Variants in RADIL observed in about 807,000 individuals in gnomAD.
The protein encoded by RADIL is Rap associating with DIL domain, also known as ras-associating and dilute domain-containing protein.
Under a neutral mutation model 97.6 loss-of-function variants are expected in RADIL, and 99 were observed. The ratio of observed to expected loss-of-function variants is 1.01; its 90% CI spans 0.86 to 1.20. The LOEUF (loss-of-function observed/expected upper bound fraction) is 1.20, where lower values mean the gene tolerates loss of function less well. Among genes scored for constraint, RADIL ranks in the 50% most tolerant of loss-of-function variants. The pLI is 0.00. For missense variants in RADIL, 1,765 were observed against 1,498.9 expected (o/e 1.18, Z -2.93); for synonymous variants, 803 against 691.8 (o/e 1.16, Z -2.52).
chr7:4,815,401 G>A lies in RADIL; in HGVS notation c.2016C>T (p.Ala672=), dbSNP rs1411729550. Reference sequence around the variant, plus strand: ...TCCACTCCAGGAGCTGCTGCAGGCGGGCGCAGGCCTGGACACCTCTGGGCC... The same window carrying A: ...TCCACTCCAGGAGCTGCTGCAGGCGAGCGCAGGCCTGGACACCTCTGGGCC... ...FHWPRGVQAC[A]RLQQLLEWMR... The change falls in exon 9 of 15, where the codon GCC becomes GCT. Residue 672 remains alanine, a synonymous_variant. Coordinates refer to ENST00000399583, the MANE Select transcript of RADIL (RefSeq NM_018059.5). The surrounding 1 kb of genome is among the most constrained non-coding windows in gnomAD (Gnocchi z 8.0). 15 of 1,563,764 alleles carry A rather than the reference G, an allele frequency of 9.6e-6. No homozygotes were observed. The highest frequency in any genetic ancestry group is 1.8e-4 in the Middle Eastern group (1 of 5,698).
In RADIL at chr7:4,867,742, A is replaced by G. The variant is rs960655407; in HGVS notation, c.535+9863T>C. ...AACATATACAAAATATTATTTATGT[A>G]TTAAGGATACATATGAATCCAAATA... On this transcript the variant is annotated intron_variant, in intron 2 of 14. Coordinates refer to ENST00000399583, the MANE Select transcript of RADIL (RefSeq NM_018059.5). This position sits in a 1 kb window ranked among gnomAD's most constrained non-coding sequence, Gnocchi z 4.1. Among the ~76,000 whole-genome samples the G allele has an allele frequency of 6.6e-6, 1 of 152,264 alleles. No homozygotes were observed. The highest frequency in any genetic ancestry group is 2.4e-5 in the African/African-American group (1 of 41,470).
rs779720466 is a variant in RADIL, at chr7:4,841,839, C to T, written c.536-5234G>A. On this transcript the variant is annotated intron_variant, in intron 2 of 14. Transcript: ENST00000399583. Reference sequence around the variant, plus strand: ...ATCCCAGCACTTTGGGAGGCCGAGGCGGGAGGATGGCTTGGGTTCAAGCCG... The same window carrying T: ...ATCCCAGCACTTTGGGAGGCCGAGGTGGGAGGATGGCTTGGGTTCAAGCCG... Among the ~76,000 whole-genome samples the T allele has an allele frequency of 2.0e-5, 3 of 152,164 alleles. No homozygotes were observed. In the South Asian group the frequency reaches 6.2e-4, roughly 32 times the overall value.
Position 4,799,114 on chromosome 7 carries a change from G to C in RADIL, c.*264C>G. Reference sequence around the variant, plus strand: ...CCAGCAGGGCACCCTCTAAGAACGGGAAAAATAGTTTATTGAACCGTACTT... The same window carrying C: ...CCAGCAGGGCACCCTCTAAGAACGGCAAAAATAGTTTATTGAACCGTACTT... On this transcript the variant is annotated 3_prime_UTR_variant, in exon 15 of 15. Coordinates refer to ENST00000399583, the MANE Select transcript of RADIL (RefSeq NM_018059.5). The C allele has an allele frequency of 2.1e-6, 1 of 471,080 alleles. No individual in the cohort carries two copies. The highest frequency in any genetic ancestry group is 3.9e-6 in the Non-Finnish European group (1 of 258,146). 29.2% of individuals were successfully genotyped at this position (471,080 alleles called of 1,614,324 possible). A position where few individuals can be genotyped will look rare whatever the true frequency, so the allele number is the denominator to read the frequency against.
At position 4,800,310 on chromosome 7, in the gene RADIL, C is replaced by T. The variant is rs1396906906; in HGVS notation, c.2843G>A (p.Gly948Glu). ...LSGLRGAAPE[G>E]DSAALAEESP... ...CTCCTCCGCAAGGGCTGCAGAGTCT[C>T]CTGGGTGGGGGCCAGGAAAGGTGGG... is the stretch of plus-strand genomic sequence containing the variant. Residue 948 changes from glycine (G) to glutamate (E), a missense_variant and splice_region_variant, in exon 13 of 15, where the codon GGA (glycine) becomes GAA (glutamate). Gly to Glu is a moderately conservative substitution (Grantham distance 98, BLOSUM62 -2). Transcript: ENST00000399583. 7 of 1,451,726 alleles carry T rather than the reference C, an allele frequency of 4.8e-6. No homozygotes were observed. The highest frequency in any genetic ancestry group is 1.5e-5 in the African/African-American group (1 of 67,806). The allele number at this position is 1,451,726 out of a possible 1,614,324, so 89.9% of individuals were successfully genotyped here.
intron 5 of RADIL, among the ~76,000 whole-genome samples, chr7:4,831,725 CAA>C (rs397890944): frequency 7.1e-6 from 1 of 141,602 alleles, no homozygotes; most frequent in Non-Finnish European, 1.6e-5. Flanking sequence ...ACTAAAAGTA[CAA>C]AAAAAAAAAA....
rs974126303 is a variant in RADIL, at chr7:4,813,572, C to T, written c.2139+1706G>A. 2.0e-5 allele frequency among the ~76,000 whole-genome samples: 3 copies of T among 152,216 alleles called. No homozygotes were observed. Among genetic ancestry groups the T allele is most frequent in the Non-Finnish European group, 4.4e-5 (3 of 68,044 alleles). ...CCAGTTTCTGTTTCCCCACCAGTGG[C>T]CCCTGCCTGGACAAAGCCTAGATTC... On this transcript the variant is annotated intron_variant, in intron 9 of 14. Coordinates refer to ENST00000399583, the MANE Select transcript of RADIL (RefSeq NM_018059.5). This position sits in a 1 kb window ranked among gnomAD's most constrained non-coding sequence, Gnocchi z 5.0.
At chr7:4,839,404 T>C (rs1783387630) in intron 2 of RADIL, among the ~76,000 whole-genome samples, 1 of 152,162 alleles carries the variant, frequency 6.6e-6, no homozygotes, top group Non-Finnish European at 1.5e-5. Flanking sequence ...AAATGTGTTT[T>C]ATGGCCAAGC....
In RADIL at chr7:4,837,898, G is replaced by A. The variant is rs1783343437; in HGVS notation, c.536-1293C>T. 1 of 985,274 alleles carries A rather than the reference G, an allele frequency of 1.0e-6. No homozygotes were observed. The highest frequency in any genetic ancestry group is 1.2e-6 in the Non-Finnish European group (1 of 829,936). 61.0% of individuals were successfully genotyped at this position (985,274 alleles called of 1,614,324 possible). On this transcript the variant is annotated intron_variant, in intron 2 of 14. Coordinates refer to ENST00000399583, the MANE Select transcript of RADIL (RefSeq NM_018059.5). This position sits in a 1 kb window ranked among gnomAD's most constrained non-coding sequence, Gnocchi z 5.6. Reference sequence around the variant, plus strand: ...GAGTTCCCTGTACGCAGCCTTTCAGGTTAAGATCCATCCCCATCTGTGGCG... The same window carrying A: ...GAGTTCCCTGTACGCAGCCTTTCAGATTAAGATCCATCCCCATCTGTGGCG...
chr7:4,865,275 T>C (rs571466512), intron 2 of RADIL, among the ~76,000 whole-genome samples: 1 of 152,360 alleles, frequency 6.6e-6, no homozygotes, highest in East Asian at 1.9e-4. Flanking sequence ...GTCATGTACA[T>C]TATGACATTT....
Position 4,805,819 on chromosome 7 carries a change from G to T in RADIL, c.2140-103C>A, listed in dbSNP as rs878912918. 1.2e-5 allele frequency: 17 copies of T among 1,474,446 alleles called. No homozygotes were observed. In the South Asian group the frequency reaches 2.2e-4, roughly 19 times the overall value. The allele number at this position is 1,474,446 out of a possible 1,614,324, so 91.3% of individuals were successfully genotyped here. On this transcript the variant is annotated intron_variant, in intron 9 of 14. Coordinates refer to ENST00000399583, the MANE Select transcript of RADIL (RefSeq NM_018059.5). Reference sequence around the variant, plus strand: ...TGGCCTGGGGGTAGCCAGCTGAGGGGCCCTGTGGTCCTCACTCCCACCAGG... The same window carrying T: ...TGGCCTGGGGGTAGCCAGCTGAGGGTCCCTGTGGTCCTCACTCCCACCAGG...
rs1783649195 is a variant in RADIL, at chr7:4,849,155, A to AAAG, written c.536-12551_536-12550insCTT. 6.7e-6 allele frequency among the ~76,000 whole-genome samples: 1 copy of AAAG among 148,950 alleles called. No homozygotes were observed. The highest frequency in any genetic ancestry group is 1.5e-5 in the Non-Finnish European group (1 of 67,652). On this transcript the variant is annotated intron_variant, in intron 2 of 14. Transcript: ENST00000399583. The surrounding 1 kb of genome is among the most constrained non-coding windows in gnomAD (Gnocchi z 5.4). ...TTCTGTCTCAAAAAAAAAAAAAAAA[A>AAAG]GGGAATTAAAAGCCAGAAAGAAAGA...
At chr7:4,870,243 G>C (rs968569581) in intron 2 of RADIL, among the ~76,000 whole-genome samples, 2 of 152,172 alleles carry the variant, frequency 1.3e-5, no homozygotes, top group Non-Finnish European at 2.9e-5. Context: ...CTCTCAGTCT[G>C]TATATATCTG....
rs371788383 is a variant in RADIL, at chr7:4,805,773, A to T, written c.2140-57T>A. 1.3e-5 allele frequency: 20 copies of T among 1,558,256 alleles called. 1 individual carries two copies. The highest frequency in any genetic ancestry group is 1.2e-4 in the African/African-American group (9 of 73,838). ...GTCTCTGGGTGCAGACCCCAGCCCA[A>T]AGAGGGATGGCCTCCACAGGTGGCC... is the stretch of plus-strand genomic sequence containing the variant. On this transcript the variant is annotated intron_variant, in intron 9 of 14. Coordinates refer to ENST00000399583, the MANE Select transcript of RADIL (RefSeq NM_018059.5).
Position 4,836,618 on chromosome 7 carries a change from C to A in RADIL, c.536-13G>T. 3 of 1,605,376 alleles carry A rather than the reference C, an allele frequency of 1.9e-6. No homozygotes were observed. The highest frequency in any genetic ancestry group is 2.5e-6 in the Non-Finnish European group (3 of 1,179,658). ...TGGGCGTTTATCCCTGGAACAGAAG[C>A]AACACAAGGTGAACAGTTAGAAGTC... On this transcript the variant is annotated splice_polypyrimidine_tract_variant and intron_variant, in intron 2 of 14. Coordinates refer to ENST00000399583, the MANE Select transcript of RADIL (RefSeq NM_018059.5).
Position 4,818,489 on chromosome 7 carries a change from G to GC in RADIL, c.1616-1139dup, listed in dbSNP as rs1782738316. ...GAACCTGTGAAGCCCCCCAGTGCCTGCCCCACAGGGTCACATCTGGGAACC... is the reference window on the plus strand; with the variant it reads ...GAACCTGTGAAGCCCCCCAGTGCCTGCCCCCACAGGGTCACATCTGGGAACC... On this transcript the variant is annotated intron_variant, in intron 6 of 14. Coordinates refer to ENST00000399583, the MANE Select transcript of RADIL (RefSeq NM_018059.5). The surrounding 1 kb of genome is among the most constrained non-coding windows in gnomAD (Gnocchi z 7.1). Among the ~76,000 whole-genome samples the GC allele has an allele frequency of 6.6e-6, 1 of 152,204 alleles. No homozygotes were observed. The highest frequency in any genetic ancestry group is 1.5e-5 in the Non-Finnish European group (1 of 68,026).
chr7:4,805,690 C>T lies in RADIL; in HGVS notation c.2166G>A (p.Ala722=), dbSNP rs757291639. ...IQMSWTALRA[A]FPALSPAQLH... is the part of the protein sequence containing the mutation. ...GCTGTGCTGGGCTCAGTGCGGGGAA[C>T]GCAGCCCGCAGGGCTGTCCAGCTCA... is the stretch of plus-strand genomic sequence containing the variant. Residue 722 remains alanine (A), a synonymous_variant, in exon 10 of 15, where the codon GCG becomes GCA. Coordinates refer to ENST00000399583, the MANE Select transcript of RADIL (RefSeq NM_018059.5). 16 of 1,610,992 alleles carry T rather than the reference C, an allele frequency of 9.9e-6. No individual in the cohort carries two copies. In the East Asian group the frequency reaches 1.1e-4, roughly 11 times the overall value.
chr7:4,808,568 G>A (rs1782421255), intron 9 of RADIL: 1 of 976,486 alleles, frequency 1.0e-6, no homozygotes. Context: ...ATAGACAAAA[G>A]CGGCCGCAAA....
At chr7:4,805,807 G>T (rs1411667144) in intron 9 of RADIL, 91 bp from the exon 10 acceptor site, 1 of 1,498,846 alleles carries the variant, frequency 6.7e-7, no homozygotes, top group African/African-American at 1.4e-5. Context: ...CCTGGGGGTA[G>T]CCAGCTGAGG....
chr7:4,800,098 C>G (rs1464353388), intron 13 of RADIL, 73 bp downstream of exon 13: 3 of 1,518,426 alleles, frequency 2.0e-6, no homozygotes, highest in Non-Finnish European at 2.6e-6. Context: ...ACGCAAGCTG[C>G]GGCCAGGCTT....
Sources: gnomAD v4.1 joint callset for allele counts (sites outside exome capture counted in the v4.1 genomes callset) on GRCh38, gnomAD v4.1.1 for gene constraint, Gnocchi (gnomAD v3.1) non-coding constraint, MANE v1.5 for transcripts, NCBI Gene and HGNC (gene_info 2026-07-23, HGNC 2026-07-21) for gene names.